RBBP8: variants seen among roughly 807,000 people sequenced by gnomAD.
RBBP8 encodes RB binding protein 8, endonuclease.
RBBP8 carries 88 observed loss-of-function variants against 108.3 expected under a neutral mutation model. The ratio of observed to expected loss-of-function variants is 0.81; its 90% CI spans 0.68 to 0.97. The LOEUF (loss-of-function observed/expected upper bound fraction) is 0.97. Ranked by LOEUF, RBBP8 falls within the 50% of genes least tolerant of loss-of-function variation. RBBP8 has a pLI of 0.00. For synonymous variants in RBBP8, 332 were observed against 348.2 expected (o/e 0.95, Z 0.52); for missense variants, 1,023 against 1,049.0 (o/e 0.98, Z 0.34).
intron 16 of RBBP8, among the ~76,000 whole-genome samples, chr18:23,008,244 T>A (rs1387888219): frequency 1.2e-5 from 1 of 86,350 alleles, no homozygotes; most frequent in African/African-American, 3.4e-5. Flanking sequence ...AAAAAATTGT[T>A]ATTTTTTTCT....
intron 12 of RBBP8, among the ~76,000 whole-genome samples, chr18:22,994,267 C>G (rs1208126449): frequency 1.3e-5 from 2 of 149,342 alleles, no homozygotes; most frequent in Non-Finnish European, 3.0e-5. Flanking sequence ...TCGTGATCCA[C>G]CAGCGTCGGC....
At position 22,968,803 on chromosome 18, in the gene RBBP8, T is replaced by C. The variant is rs747770290; in HGVS notation, c.249-3T>C. Reference sequence around the variant, plus strand: ...ATGAAAAATACCTTGTTTTGTTTCATAGGTTAAGAGCAGGCTTATGTGATC... The same window carrying C: ...ATGAAAAATACCTTGTTTTGTTTCACAGGTTAAGAGCAGGCTTATGTGATC... On this transcript the variant is annotated splice_region_variant and splice_polypyrimidine_tract_variant and intron_variant, in intron 4 of 18. Transcript: ENST00000327155. The C allele has an allele frequency of 9.9e-6, 16 of 1,611,046 alleles. No homozygotes were observed. The East Asian group carries it at 1.3e-4, about 14-fold the overall frequency.
intron 4 of RBBP8, among the ~76,000 whole-genome samples, chr18:22,956,082 G>GAAA (rs1912508343): frequency 6.6e-6 from 1 of 151,518 alleles, no homozygotes; most frequent in Non-Finnish European, 1.5e-5. Context: ...TGTATAGTCT[G>GAAA]TTTCCTTGGA....
chr18:22,924,011 G>C (rs538891567), intron 3 of RBBP8, among the ~76,000 whole-genome samples: 12 of 151,894 alleles, frequency 7.9e-5, no homozygotes, highest in Non-Finnish European at 1.6e-4. Context: ...CTCCAATCCT[G>C]ACTGAGAAAG....
chr18:22,915,637 TTAC>T (rs1243925728), intron 2 of RBBP8, among the ~76,000 whole-genome samples: 2 of 152,134 alleles, frequency 1.3e-5, no homozygotes, highest in Non-Finnish European at 2.9e-5. Flanking sequence ...TTTTCTGAAT[TTAC>T]TACATGAAAC....
At chr18:22,940,464 G>A in intron 2 of RBBP8, among the ~76,000 whole-genome samples, 1 of 151,358 alleles carries the variant, frequency 6.6e-6, no homozygotes, top group East Asian at 1.9e-4. Flanking sequence ...GGGACTACAA[G>A]CACCCGCCAC....
chr18:23,017,083 G>A (rs951025492), intron 17 of RBBP8, among the ~76,000 whole-genome samples, 159 bp downstream of exon 17: 11 of 152,076 alleles, frequency 7.2e-5, no homozygotes, highest in African/African-American at 1.7e-4. Flanking sequence ...GGTCGGGTGC[G>A]GTGGCTCATG....
intron 15 of RBBP8, among the ~76,000 whole-genome samples, chr18:23,006,137 G>C (rs2046042155): frequency 6.6e-6 from 1 of 151,422 alleles, no homozygotes; most frequent in Non-Finnish European, 1.5e-5. Flanking sequence ...AGTGAGCAGA[G>C]ATTGTGCCAC....
intron 8 of RBBP8, among the ~76,000 whole-genome samples, chr18:22,985,704 A>G (rs1307389460): frequency 6.6e-6 from 1 of 152,118 alleles, no homozygotes; most frequent in Non-Finnish European, 1.5e-5. Flanking sequence ...TGGTTTCGGT[A>G]ATATTCTGTT....
rs551449394 is a variant in RBBP8, at chr18:22,941,206, C to T, written c.109+4246C>T. Among the ~76,000 whole-genome samples, 40 of 152,080 alleles carry T rather than the reference C, an allele frequency of 2.6e-4. 1 individual carries two copies. The highest frequency in any genetic ancestry group is 9.7e-4 in the African/African-American group (40 of 41,406). ...TTATGTTTTGAAACAGAGTCTCACTCTGTCACCCAGGCTGGAGTGCAGTGG... is the reference window on the plus strand; with the variant it reads ...TTATGTTTTGAAACAGAGTCTCACTTTGTCACCCAGGCTGGAGTGCAGTGG... On this transcript the variant is annotated intron_variant, in intron 2 of 18. Coordinates refer to ENST00000327155, the MANE Select transcript of RBBP8 (RefSeq NM_002894.3).
At chr18:22,974,991 C>T (rs1914396870) in intron 5 of RBBP8, among the ~76,000 whole-genome samples, 162 bp from the exon 6 acceptor site, 1 of 152,198 alleles carries the variant, frequency 6.6e-6, no homozygotes, top group South Asian at 2.1e-4. Context: ...TACCTAGTAA[C>T]GAATTAGTTT....
At chr18:22,951,081 G>A (rs562786434) in intron 4 of RBBP8, among the ~76,000 whole-genome samples, 2 of 152,334 alleles carry the variant, frequency 1.3e-5, no homozygotes, top group South Asian at 2.1e-4. Flanking sequence ...AATAGGCAGT[G>A]TATTGTGGAA....
chr18:22,976,802 G>T (rs1463817619), intron 6 of RBBP8, among the ~76,000 whole-genome samples: 1 of 152,108 alleles, frequency 6.6e-6, no homozygotes, highest in Non-Finnish European at 1.5e-5. Context: ...GAGATACCAA[G>T]TGTGTAGAAG....
At chr18:23,018,546 G>A (rs1215900621) in intron 17 of RBBP8, among the ~76,000 whole-genome samples, 1 of 152,156 alleles carries the variant, frequency 6.6e-6, no homozygotes, top group African/African-American at 2.4e-5. Flanking sequence ...AAATGGCATA[G>A]TACTTGCCTA....
rs2045887700 is a variant in RBBP8 at position 22,997,874 on chromosome 18, T to C, written c.2143+140T>C. ...TGCTCTGTTAACTTTATGTTCCTCT[T>C]AGGAAAGCTCAGTTTCAGTGCGTCA... On this transcript the variant is annotated intron_variant, in intron 14 of 18. Transcript: ENST00000327155. 7.2e-6 allele frequency: 5 copies of C among 690,982 alleles called. No homozygotes were observed. The East Asian group carries it at 1.4e-4, about 19-fold the overall frequency. 42.8% of individuals were successfully genotyped at this position (690,982 alleles called of 1,614,324 possible). A position where few individuals can be genotyped will look rare whatever the true frequency, so the allele number is the denominator to read the frequency against.
chr18:22,929,491 T>TTTAAGAGACAGGCGG (rs1909920670), upstream of RBBP8: 1 of 13,138 alleles, frequency 7.6e-5, no homozygotes, highest in Admixed American at 1.7e-3. Context: ...TGTGTGTGTG[T>TTTAAGAGACAGGCGG]GTGTGTGTGT....
rs1175061423 is a variant in RBBP8 at position 22,933,373 on chromosome 18, C to G, written c.-290C>G. ...CCGGGCGGGGCGGGTCCGGCCGCCT[C>G]CGAGCCCGGCCGGCAGCCCCCGGCC... On this transcript the variant is annotated 5_prime_UTR_variant, in exon 1 of 19. Coordinates refer to ENST00000327155, the MANE Select transcript of RBBP8 (RefSeq NM_002894.3). 2.0e-5 allele frequency: 3 copies of G among 152,902 alleles called. No homozygotes were observed. The highest frequency in any genetic ancestry group is 4.4e-5 in the Non-Finnish European group (3 of 68,114). The allele number at this position is 152,902 out of a possible 1,614,324, so 9.5% of individuals were successfully genotyped here.
intron 4 of RBBP8, among the ~76,000 whole-genome samples, chr18:22,958,253 T>C (rs1161188113): frequency 6.6e-6 from 1 of 152,268 alleles, no homozygotes; most frequent in Non-Finnish European, 1.5e-5. Context: ...TTATTGACTG[T>C]ATAAATATTC....
At chr18:22,964,165 C>G (rs2144568022) in intron 4 of RBBP8, among the ~76,000 whole-genome samples, 1 of 152,206 alleles carries the variant, frequency 6.6e-6, no homozygotes, top group African/African-American at 2.4e-5. Context: ...GAGATGGGAT[C>G]TCATGTTGAC....
Sources: gnomAD v4.1 joint callset for allele counts (sites outside exome capture counted in the v4.1 genomes callset) on GRCh38, gnomAD v4.1.1 for gene constraint, MANE v1.5 for transcripts, NCBI Gene and HGNC (gene_info 2026-07-23, HGNC 2026-07-21) for gene names.